Variants in ACACA observed in about 807,000 individuals in gnomAD.
ACACA encodes acetyl-CoA carboxylase 1.
Under a neutral mutation model 296.1 loss-of-function variants are expected in ACACA, and 103 were observed. That is an observed-to-expected ratio of 0.35 (90% confidence interval 0.30 to 0.41). ACACA has a LOEUF of 0.41. ACACA is among the 10% of genes least tolerant of loss of function. The probability of loss-of-function intolerance (pLI) is 1.00; values close to 1 mark genes in which losing one functional copy is unlikely to be tolerated. For synonymous variants in ACACA, 953 were observed against 1,038.6 expected (o/e 0.92, Z 1.58); for missense variants, 1,554 against 2,989.7 (o/e 0.52, Z 11.20).
intron 1 of ACACA, among the ~76,000 whole-genome samples, chr17:37,353,750 T>A (rs892313720): frequency 6.6e-6 from 1 of 151,652 alleles, no homozygotes; most frequent in African/African-American, 2.4e-5. Flanking sequence ...TGAGGCCTTA[T>A]ATTTCTTGAG....
chr17:37,240,917 T>C (rs1244171934), intron 23 of ACACA, among the ~76,000 whole-genome samples: 2 of 152,136 alleles, frequency 1.3e-5, no homozygotes, highest in Non-Finnish European at 2.9e-5. Context: ...GTGAGGCCGG[T>C]TGCCTTAGCT....
chr17:37,389,838 C>T (rs527865294), intron 1 of ACACA, among the ~76,000 whole-genome samples: 2 of 151,592 alleles, frequency 1.3e-5, no homozygotes, highest in African/African-American at 4.8e-5. Flanking sequence ...GTGGGCAATC[C>T]TTCTTATGTC....
intron 3 of ACACA, among the ~76,000 whole-genome samples, chr17:37,291,953 G>T (rs896437464): frequency 4.0e-5 from 6 of 151,828 alleles, no homozygotes; most frequent in East Asian, 1.9e-4. Flanking sequence ...AAAATGTGAA[G>T]ATACTAGAAT....
intron 10 of ACACA, among the ~76,000 whole-genome samples, chr17:37,266,704 A>G (rs1041885393): frequency 7.2e-5 from 11 of 152,168 alleles, no homozygotes; most frequent in African/African-American, 2.4e-4. Flanking sequence ...CTTGTAAGCA[A>G]AACATCTTCT....
chr17:37,143,085 G>A (rs1253819951), intron 45 of ACACA, among the ~76,000 whole-genome samples: 1 of 152,094 alleles, frequency 6.6e-6, no homozygotes. Flanking sequence ...ATCTTTTACA[G>A]TTAATAAAAC....
At chr17:37,230,983 A>G (rs987886471) in intron 25 of ACACA, among the ~76,000 whole-genome samples, 2 of 152,228 alleles carry the variant, frequency 1.3e-5, no homozygotes, top group African/African-American at 4.8e-5. Context: ...CTGGTACAAA[A>G]CAGTTATTTC....
rs375258904 is a variant in ACACA at position 37,253,197 on chromosome 17, C to T, written c.1827-161G>A. On this transcript the variant is annotated intron_variant, in intron 14 of 55. Transcript: ENST00000616317. ...CACGAAGTCAGGAGATTGAGACCAT[C>T]CTGGCTAACACGGTGAGACCCTGTC... 3.3e-5 allele frequency among the ~76,000 whole-genome samples: 5 copies of T among 152,282 alleles called. No homozygotes were observed. The East Asian group carries it at 7.7e-4, about 24-fold the overall frequency.
At chr17:37,200,346 T>C (rs11659129) in intron 34 of ACACA, 81 bp downstream of exon 34, 773,172 of 1,434,086 alleles carry the variant, frequency 0.54, 223,488 homozygotes, top group East Asian at 0.98. Flanking sequence ...TATTAGTAAG[T>C]ATAAGATTAC....
chr17:37,376,100 C>CCAT, intron 1 of ACACA: 1 of 1,612,608 alleles, frequency 6.2e-7, no homozygotes, highest in Non-Finnish European at 8.5e-7. Flanking sequence ...AACATGGATA[C>CCAT]CATCTTGGTC....
At chr17:37,334,044 T>C (rs185296108) in intron 2 of ACACA, among the ~76,000 whole-genome samples, 10 of 152,000 alleles carry the variant, frequency 6.6e-5, no homozygotes, top group Admixed American at 2.0e-4. Flanking sequence ...GTGTTAGGTA[T>C]ACAATATCAC....
chr17:37,170,677 G>A (rs903695879), intron 41 of ACACA, among the ~76,000 whole-genome samples: 13 of 152,134 alleles, frequency 8.5e-5, no homozygotes, highest in Admixed American at 4.6e-4. Flanking sequence ...ATAACAGATA[G>A]TGAAAACATG....
intron 17 of ACACA, 52 bp from the exon 18 acceptor site, chr17:37,248,208 A>G (rs766279955): frequency 1.2e-6 from 2 of 1,607,510 alleles, no homozygotes; most frequent in Non-Finnish European, 8.5e-7. Context: ...TACAGCTCCA[A>G]ATGAAATTTG....
At chr17:37,259,717 G>A (rs1040396486) in intron 11 of ACACA, among the ~76,000 whole-genome samples, 187 bp from the exon 12 acceptor site, 21 of 151,786 alleles carry the variant, frequency 1.4e-4, no homozygotes, top group African/African-American at 3.4e-4. Flanking sequence ...ATGAAAAATC[G>A]GGAGAAAAGA....
At chr17:37,135,158 G>A (rs2143623578) in intron 45 of ACACA, among the ~76,000 whole-genome samples, 1 of 152,272 alleles carries the variant, frequency 6.6e-6, no homozygotes, top group East Asian at 1.9e-4. Context: ...AATTTTAAGT[G>A]GTGCTGCACA....
intron 25 of ACACA, 136 bp downstream of exon 25, chr17:37,234,839 C>T (rs1288792803): frequency 3.0e-6 from 3 of 991,254 alleles, no homozygotes; most frequent in Non-Finnish European, 4.5e-6. Context: ...AACTGTTAAT[C>T]CACAGCTCAA....
At chr17:37,311,871 CAA>C (rs758323265) in intron 3 of ACACA, among the ~76,000 whole-genome samples, 58 of 67,364 alleles carry the variant, frequency 8.6e-4, no homozygotes, top group East Asian at 8.9e-4. Context: ...GACCCTGTCT[CAA>C]AAAAAAAAAA....
intron 52 of ACACA, among the ~76,000 whole-genome samples, chr17:37,099,378 C>T (rs957709671): frequency 3.3e-5 from 5 of 152,084 alleles, no homozygotes; most frequent in Admixed American, 6.5e-5. Context: ...ACAGCATGAA[C>T]GCACCGGGCC....
intron 1 of ACACA, among the ~76,000 whole-genome samples, chr17:37,351,080 C>T (rs1422412783): frequency 6.6e-6 from 1 of 152,178 alleles, no homozygotes; most frequent in African/African-American, 2.4e-5. Flanking sequence ...GTGGAGATTG[C>T]AGTGCGCTGA....
chr17:37,142,008 T>G (rs1217563465), intron 45 of ACACA, among the ~76,000 whole-genome samples: 11 of 151,604 alleles, frequency 7.3e-5, no homozygotes, highest in African/African-American at 2.7e-4. Flanking sequence ...TTTTGTTTTT[T>G]TTTGTTTTTT....
Sources: gnomAD v4.1 joint callset for allele counts (sites outside exome capture counted in the v4.1 genomes callset) on GRCh38, gnomAD v4.1.1 for gene constraint, MANE v1.5 for transcripts, NCBI Gene and HGNC (gene_info 2026-07-23, HGNC 2026-07-21) for gene names.